Variants in PAK5 observed in about 807,000 individuals in gnomAD.
PAK5 encodes the protein serine/threonine-protein kinase PAK 5.
A neutral mutation model predicts 65.9 loss-of-function variants in PAK5; 16 were observed. That is an observed-to-expected ratio of 0.24 (90% CI 0.16 to 0.37). The LOEUF (loss-of-function observed/expected upper bound fraction) is 0.37, where lower values mean the gene tolerates loss of function less well. Among genes scored for constraint, PAK5 ranks in the 10% least tolerant of loss-of-function variants. PAK5 has a pLI of 1.00. For missense variants in PAK5, 785 were observed against 903.9 expected (o/e 0.87, Z 1.69); for synonymous variants, 371 against 354.9 (o/e 1.05, Z -0.51).
chr20:9,576,931 A>C (rs2045894641), intron 4 of PAK5, among the ~76,000 whole-genome samples: 1 of 152,204 alleles, frequency 6.6e-6, no homozygotes, highest in Non-Finnish European at 1.5e-5. Flanking sequence ...GCTTCTCAGT[A>C]GGGAACGGAT....
At chr20:9,738,606 A>G (rs903196054) in intron 1 of PAK5, among the ~76,000 whole-genome samples, 1 of 152,196 alleles carries the variant, frequency 6.6e-6, no homozygotes, top group African/African-American at 2.4e-5. Flanking sequence ...AATTCTAGGA[A>G]ATGCAACTTA....
intron 2 of PAK5, among the ~76,000 whole-genome samples, chr20:9,666,688 A>G (rs2047424411): frequency 6.6e-6 from 1 of 152,146 alleles, no homozygotes; most frequent in Non-Finnish European, 1.5e-5. Context: ...GCAAAACAAA[A>G]CAAAACAAAA....
intron 2 of PAK5, among the ~76,000 whole-genome samples, chr20:9,667,876 AT>A (rs753441068): frequency 2.0e-4 from 30 of 152,318 alleles, no homozygotes; most frequent in Non-Finnish European, 4.1e-4. Context: ...TTTTCAAAAC[AT>A]TTCCTGCCTA....
Position 9,766,522 on chromosome 20 carries a change from AATAT to A in PAK5, c.-161-55091_-161-55088del, listed in dbSNP as rs74209304. Among the ~76,000 whole-genome samples, 23 of 34,728 alleles carry A rather than the reference AATAT, an allele frequency of 6.6e-4. 4 individuals carry two copies. The highest frequency in any genetic ancestry group is 0.013 in the Middle Eastern group (1 of 78). 22.8% of individuals were successfully genotyped at this position (34,728 alleles called of 152,430 possible). A position where few individuals can be genotyped will look rare whatever the true frequency, so the allele number is the denominator to read the frequency against. Reference sequence around the variant, plus strand: ...TATATATATATATATATTCAAGCAGAATATATATATATATATATATATATATATT... The same window carrying A: ...TATATATATATATATATTCAAGCAGAATATATATATATATATATATATATT... On this transcript the variant is annotated intron_variant, in intron 1 of 9. Transcript: ENST00000353224.
chr20:9,689,122 G>A (rs34088221), intron 2 of PAK5, among the ~76,000 whole-genome samples: 20,520 of 152,120 alleles, frequency 0.13, 1,493 homozygotes, highest in Non-Finnish European at 0.15. Flanking sequence ...TATAATTAAC[G>A]TCTGTAGTTG....
chr20:9,618,711 C>G (rs1822318047), intron 3 of PAK5, among the ~76,000 whole-genome samples: 1 of 151,716 alleles, frequency 6.6e-6, no homozygotes, highest in Admixed American at 6.6e-5. Context: ...CTGCGCCCGG[C>G]TGGAACTTAT....
intron 6 of PAK5, among the ~76,000 whole-genome samples, chr20:9,558,456 C>A (rs2045545076): frequency 6.6e-6 from 1 of 152,134 alleles, no homozygotes; most frequent in Non-Finnish European, 1.5e-5. Flanking sequence ...ATCAACAAGC[C>A]TCCAGGGTCC....
At chr20:9,766,256 G>GTTCTAATTGAATATATATATA (rs1272925461) in intron 1 of PAK5, among the ~76,000 whole-genome samples, 6 of 55,612 alleles carry the variant, frequency 1.1e-4, no homozygotes, top group Admixed American at 2.1e-4. Context: ...ATATATATAT[G>GTTCTAATTGAATATATATATA]TTCTAATTGA....
intron 5 of PAK5, among the ~76,000 whole-genome samples, chr20:9,563,347 T>C (rs1259215860): frequency 6.6e-6 from 1 of 152,156 alleles, no homozygotes; most frequent in Non-Finnish European, 1.5e-5. Context: ...TGATCAGATA[T>C]CTCTAAGGGT....
intron 1 of PAK5, among the ~76,000 whole-genome samples, chr20:9,721,653 CAAAAAAAAAAAAAAAAAA>C (rs144378083): frequency 4.6e-5 from 3 of 65,522 alleles, no homozygotes; most frequent in African/African-American, 1.9e-4. Context: ...GACTCCATCT[CAAAAAAAAAAAAAAAAAA>C]AAAAAAAAAA....
At chr20:9,820,702 C>A (rs979481740) in intron 1 of PAK5, among the ~76,000 whole-genome samples, 35 of 152,120 alleles carry the variant, frequency 2.3e-4, no homozygotes, top group African/African-American at 8.0e-4. Flanking sequence ...GCAAGGGGAC[C>A]CATTTTACAA....
At chr20:9,676,172 C>T (rs960137301) in intron 2 of PAK5, among the ~76,000 whole-genome samples, 1 of 151,988 alleles carries the variant, frequency 6.6e-6, no homozygotes, top group African/African-American at 2.4e-5. Flanking sequence ...CATCAAATCT[C>T]GTGAGACTTA....
chr20:9,712,551 G>A (rs979295003), intron 1 of PAK5, among the ~76,000 whole-genome samples: 5 of 152,032 alleles, frequency 3.3e-5, no homozygotes, highest in Admixed American at 1.3e-4. Flanking sequence ...AAAAGACTCC[G>A]AATAACTAAA....
intron 3 of PAK5, among the ~76,000 whole-genome samples, chr20:9,610,633 T>A (rs2046541376): frequency 6.6e-6 from 1 of 152,254 alleles, no homozygotes; most frequent in Admixed American, 6.5e-5. Context: ...TTGGTCTTTG[T>A]AGCAGACTCT....
At chr20:9,628,391 A>G (rs2123216833) in intron 3 of PAK5, among the ~76,000 whole-genome samples, 1 of 152,312 alleles carries the variant, frequency 6.6e-6, no homozygotes, top group Admixed American at 6.5e-5. Flanking sequence ...TAAAGTTACT[A>G]TTTGTTTACA....
intron 2 of PAK5, among the ~76,000 whole-genome samples, chr20:9,660,388 AT>A (rs896697225): frequency 7.3e-6 from 1 of 136,152 alleles, no homozygotes; most frequent in Admixed American, 7.9e-5. Flanking sequence ...TTTGACAAGT[AT>A]TTTTTGTGCA....
At chr20:9,798,878 T>A (rs117462656) in intron 1 of PAK5, among the ~76,000 whole-genome samples, 1 of 152,068 alleles carries the variant, frequency 6.6e-6, no homozygotes, top group African/African-American at 2.4e-5. Flanking sequence ...CCACCCCAGA[T>A]CTACTAATAT....
chr20:9,726,530 G>C (rs1408655818), intron 1 of PAK5, among the ~76,000 whole-genome samples: 1 of 152,128 alleles, frequency 6.6e-6, no homozygotes, highest in Non-Finnish European at 1.5e-5. Flanking sequence ...GTGATTCTAA[G>C]TGAAAATGAT....
chr20:9,731,395 A>G (rs984256844), intron 1 of PAK5, among the ~76,000 whole-genome samples: 2 of 152,160 alleles, frequency 1.3e-5, no homozygotes, highest in Non-Finnish European at 2.9e-5. Flanking sequence ...TTTTTTCATA[A>G]TAGGTCTTTA....
Sources: gnomAD v4.1 joint callset for allele counts (sites outside exome capture counted in the v4.1 genomes callset) on GRCh38, gnomAD v4.1.1 for gene constraint, MANE v1.5 for transcripts, NCBI Gene and HGNC (gene_info 2026-07-23, HGNC 2026-07-21) for gene names.